Variants in USO1 observed in about 807,000 individuals in gnomAD.
USO1 encodes the protein USO1 vesicle transport factor.
In USO1, 57 loss-of-function variants were observed where a neutral mutation model predicts 124.5. The ratio of observed to expected loss-of-function variants is 0.46; its 90% confidence interval spans 0.37 to 0.57. USO1 has a LOEUF of 0.57. Among genes scored for constraint, USO1 ranks in the 20% least tolerant of loss-of-function variants. The pLI, the probability that USO1 is intolerant of heterozygous loss-of-function variation, is 0.00. For synonymous variants in USO1, 369 were observed against 362.8 expected, an observed-to-expected ratio of 1.02 and a Z score of -0.19; for missense variants, 900 against 1,040.6, an observed-to-expected ratio of 0.86 and a Z score of 1.86.
intron 1 of USO1, among the ~76,000 whole-genome samples, chr4:75,742,282 G>C (rs746001360): frequency 3.9e-5 from 6 of 152,160 alleles, no homozygotes; most frequent in Non-Finnish European, 7.3e-5. Flanking sequence ...GTTTACACCA[G>C]CATCACCACA....
chr4:75,800,580 AT>A (rs781524521), intron 15 of USO1, 37 bp from the exon 16 acceptor site: 16 of 1,427,078 alleles, frequency 1.1e-5, no homozygotes, highest in South Asian at 3.1e-5. Flanking sequence ...TTTTGATTTT[AT>A]TTTTTTTAAA....
intron 9 of USO1, among the ~76,000 whole-genome samples, chr4:75,785,350 A>AT (rs1722330238): frequency 6.6e-6 from 1 of 152,046 alleles, no homozygotes; most frequent in African/African-American, 2.4e-5. Flanking sequence ...GTTATAAAAT[A>AT]TTTTATTTTT....
At chr4:75,793,617 A>G in intron 12 of USO1, 73 bp from the exon 13 acceptor site, 2 of 1,532,196 alleles carry the variant, frequency 1.3e-6, no homozygotes, top group South Asian at 2.5e-5. Context: ...ATGTGTACAG[A>G]AAACAATTTA....
chr4:75,725,588 C>T (rs7663617), intron 1 of USO1, among the ~76,000 whole-genome samples: 53,045 of 149,682 alleles, frequency 0.35, 11,109 homozygotes, highest in African/African-American at 0.6. Context: ...TCTGCCTGAA[C>T]TCCTAATGAC....
intron 1 of USO1, among the ~76,000 whole-genome samples, chr4:75,743,288 T>G (rs927642375): frequency 3.9e-5 from 6 of 152,170 alleles, no homozygotes; most frequent in African/African-American, 7.2e-5. Context: ...CCTGGCCGAA[T>G]AAGTGTTATC....
At position 75,810,177 on chromosome 4, in the gene USO1, C is replaced by G. The variant is rs368719871; in HGVS notation, c.2476-255C>G. ...TACATTAGAGCTGCCTTGCTGATTA[C>G]TTTTCTGGGCTTACCTACCTTGAGG... On this transcript the variant is annotated intron_variant, in intron 21 of 23. Transcript: ENST00000514213. 1.9e-4 allele frequency among the ~76,000 whole-genome samples: 29 copies of G among 152,304 alleles called. No homozygotes were observed. In the East Asian group the frequency reaches 5.0e-3, roughly 26 times the overall value.
chr4:75,801,066 C>T lies in USO1; in HGVS notation c.1865-13C>T. On this transcript the variant is annotated splice_polypyrimidine_tract_variant and intron_variant, in intron 16 of 23. Coordinates refer to ENST00000514213, the MANE Select transcript of USO1 (RefSeq NM_003715.4). The stretch of plus-strand genomic sequence containing the variant: ...ACATTTAAAACAAATTTTAAATAAG[C>T]TTCCTTTTATAGGTGTTATAACTAA... 1.3e-6 allele frequency: 2 copies of T among 1,512,514 alleles called. No individual in the cohort carries two copies. The highest frequency in any genetic ancestry group is 1.8e-6 in the Non-Finnish European group (2 of 1,135,106). 93.7% of individuals were successfully genotyped at this position (1,512,514 alleles called of 1,614,324 possible).
intron 20 of USO1, among the ~76,000 whole-genome samples, chr4:75,807,578 T>A (rs1476078574): frequency 6.6e-6 from 1 of 152,176 alleles, no homozygotes; most frequent in Non-Finnish European, 1.5e-5. Context: ...CTGACCTCTT[T>A]TTAAAAAAAG....
At chr4:75,795,472 C>T (rs1722652117) in intron 13 of USO1, 1 of 662,566 alleles carries the variant, frequency 1.5e-6, no homozygotes. Context: ...ACATTCTACT[C>T]ACACTTTTGC....
rs760093630 is a variant in USO1, at chr4:75,793,680, A to C, written c.1241-10A>C. ...AATATATTTTTATTGTCTGCCTGCC[A>C]TCTTTGTAGCAACAGGTAATTCAGT... is the stretch of plus-strand genomic sequence containing the variant. On this transcript the variant is annotated splice_polypyrimidine_tract_variant and intron_variant, in intron 12 of 23. Transcript: ENST00000514213. The C allele has an allele frequency of 6.3e-7, 1 of 1,597,170 alleles. No homozygotes were observed. Among genetic ancestry groups the C allele is most frequent in the South Asian group, 1.1e-5 (1 of 89,102 alleles).
intron 1 of USO1, among the ~76,000 whole-genome samples, chr4:75,743,998 GA>G (rs1265672666): frequency 2.0e-5 from 3 of 152,064 alleles, no homozygotes; most frequent in Non-Finnish European, 4.4e-5. Flanking sequence ...GGATAGTCTG[GA>G]TCTCCTGACC....
chr4:75,750,852 G>T (rs1023616417), intron 1 of USO1, among the ~76,000 whole-genome samples: 1 of 152,128 alleles, frequency 6.6e-6, no homozygotes, highest in African/African-American at 2.4e-5. Context: ...GGATTTTCTC[G>T]TATGCTTTCT....
In USO1 at chr4:75,724,761, G is replaced by C; in HGVS notation, c.-59G>C. 2 of 1,584,004 alleles carry C rather than the reference G, an allele frequency of 1.3e-6. No homozygotes were observed. The highest frequency in any genetic ancestry group is 4.5e-5 in the East Asian group (2 of 44,682). On this transcript the variant is annotated 5_prime_UTR_variant, in exon 1 of 24. Coordinates refer to ENST00000514213, the MANE Select transcript of USO1 (RefSeq NM_003715.4). The stretch of plus-strand genomic sequence containing the variant: ...GGGGCCCAGGCCCTGCGGAGGGCGG[G>C]GGAAGTTGTCTTCTTTTTTTTCCGG...
intron 8 of USO1, among the ~76,000 whole-genome samples, chr4:75,779,870 A>T (rs1177930848): frequency 6.6e-6 from 1 of 152,228 alleles, no homozygotes; most frequent in African/African-American, 2.4e-5. Context: ...AGAAGATGCC[A>T]TCTAGAACTT....
chr4:75,761,288 T>C (rs1195502818), intron 4 of USO1, among the ~76,000 whole-genome samples: 1 of 152,230 alleles, frequency 6.6e-6, no homozygotes, highest in Non-Finnish European at 1.5e-5. Context: ...GGTGCATGCC[T>C]GTAGTGCCAA....
chr4:75,737,114 A>G (rs1349651420), intron 1 of USO1, among the ~76,000 whole-genome samples: 1 of 152,198 alleles, frequency 6.6e-6, no homozygotes, highest in Non-Finnish European at 1.5e-5. Flanking sequence ...AACCAATTTA[A>G]TGTAGTGGGA....
chr4:75,811,392 G>A (rs1723144464), intron 22 of USO1, among the ~76,000 whole-genome samples: 1 of 152,068 alleles, frequency 6.6e-6, no homozygotes, highest in African/African-American at 2.4e-5. Flanking sequence ...CTGACCTCAG[G>A]TGATCTGCCC....
rs368285660 is a variant in USO1, at chr4:75,800,760, T to A, written c.1825T>A (p.Phe609Ile). The A allele has an allele frequency of 1.9e-6, 3 of 1,613,482 alleles. No individual in the cohort carries two copies. The highest frequency in any genetic ancestry group is 2.5e-6 in the Non-Finnish European group (3 of 1,179,768). The change falls in exon 16 of 24, where the codon TTT (phenylalanine) becomes ATT (isoleucine). Residue 609 changes from phenylalanine to isoleucine, a missense_variant. By Grantham distance (21) the Phe-to-Ile change is conservative. Coordinates refer to ENST00000514213, the MANE Select transcript of USO1 (RefSeq NM_003715.4). ...CTTTCCCAGTCCAGAATACATGATA[T>A]TTGATCATGAGTTTACGAAGCTGGT... The part of the protein sequence containing the change: ...PNFPSPEYMI[F>I]DHEFTKLVKE...
intron 1 of USO1, among the ~76,000 whole-genome samples, chr4:75,725,203 C>G (rs1413666442): frequency 6.6e-6 from 1 of 152,190 alleles, no homozygotes; most frequent in Admixed American, 6.5e-5. Context: ...CGAGCTGGCC[C>G]GAACTGCCTC....
Sources: gnomAD v4.1 joint callset for allele counts (sites outside exome capture counted in the v4.1 genomes callset) on GRCh38, gnomAD v4.1.1 for gene constraint, MANE v1.5 for transcripts, NCBI Gene and HGNC (gene_info 2026-07-23, HGNC 2026-07-21) for gene names.